Variants in DACH1 observed in about 807,000 individuals in gnomAD.
DACH1 encodes dachshund family transcription factor 1.
A neutral mutation model predicts 54.2 loss-of-function variants in DACH1; 12 were observed. The observed-to-expected ratio is 0.22, with a 90% CI of 0.14 to 0.36. DACH1 has a LOEUF of 0.36. Ranked by LOEUF, DACH1 falls within the 10% of genes least tolerant of loss-of-function variation. The probability of loss-of-function intolerance (pLI) is 1.00; values close to 1 mark genes in which losing one functional copy is unlikely to be tolerated. For synonymous variants in DACH1, 386 were observed against 366.2 expected (o/e 1.05, Z -0.62); for missense variants, 805 against 929.8 (o/e 0.87, Z 1.75).
At chr13:71,517,911 T>A (rs574326616) in intron 6 of DACH1, among the ~76,000 whole-genome samples, 4 of 151,916 alleles carry the variant, frequency 2.6e-5, no homozygotes, top group African/African-American at 9.7e-5. Flanking sequence ...ATTCATTCTA[T>A]TTTGATTTAT....
intron 1 of DACH1, among the ~76,000 whole-genome samples, chr13:71,754,491 T>C (rs1223751818): frequency 6.6e-6 from 1 of 152,116 alleles, no homozygotes; most frequent in Non-Finnish European, 1.5e-5. Context: ...ACCTGAACTA[T>C]GAAGTAGGTC....
chr13:71,785,068 T>G (rs1410938229), intron 1 of DACH1, among the ~76,000 whole-genome samples: 2 of 152,250 alleles, frequency 1.3e-5, no homozygotes, highest in Non-Finnish European at 1.5e-5. Flanking sequence ...TCTCTAAAAA[T>G]GCAATTTGTT....
intron 2 of DACH1, among the ~76,000 whole-genome samples, chr13:71,653,374 G>A (rs1283789164): frequency 2.0e-5 from 3 of 152,212 alleles, no homozygotes; most frequent in African/African-American, 7.2e-5. Flanking sequence ...ATCTAAGCCT[G>A]AGTGAAGTAT....
intron 3 of DACH1, among the ~76,000 whole-genome samples, chr13:71,614,920 A>C (rs949549098): frequency 1.1e-4 from 16 of 151,730 alleles, no homozygotes; most frequent in Admixed American, 6.6e-5. Context: ...AATCATTTGA[A>C]TCTATCAGTT....
At chr13:71,496,265 A>ATG (rs1879406627) in intron 6 of DACH1, among the ~76,000 whole-genome samples, 1 of 19,332 alleles carries the variant, frequency 5.2e-5, no homozygotes, top group East Asian at 1.2e-3. Flanking sequence ...TGCTATGTAT[A>ATG]TATATATATA....
intron 1 of DACH1, among the ~76,000 whole-genome samples, chr13:71,734,126 C>CAT (rs1409356523): frequency 6.6e-6 from 1 of 150,510 alleles, no homozygotes. Flanking sequence ...ATATGGGATA[C>CAT]ATATATACCC....
rs1491248050 is a variant in DACH1 at position 71,816,620 on chromosome 13, G to GTA, written c.848+49301_848+49302insTA. 7.2e-3 allele frequency among the ~76,000 whole-genome samples: 153 copies of GTA among 21,254 alleles called. 2 individuals are homozygous for GTA. The South Asian group carries it at 0.17, about 24-fold the overall frequency. 13.9% of individuals were successfully genotyped at this position (21,254 alleles called of 152,430 possible). On this transcript the variant is annotated intron_variant, in intron 1 of 10. Coordinates refer to ENST00000613252, the MANE Select transcript of DACH1 (RefSeq NM_080759.6). The stretch of plus-strand genomic sequence containing the variant: ...CACATATGTGTGTATATATATACAC[G>GTA]TGTATATATACACACACATATGTGT...
intron 2 of DACH1, among the ~76,000 whole-genome samples, chr13:71,632,107 AAAAGAAAAGG>A (rs1264192398): frequency 2.6e-5 from 4 of 151,984 alleles, no homozygotes; most frequent in African/African-American, 9.7e-5. Flanking sequence ...AAAGGAAGAG[AAAAGAAAAGG>A]AAAGAAAAGA....
chr13:71,520,153 T>C (rs1881487605), intron 6 of DACH1, among the ~76,000 whole-genome samples: 1 of 151,426 alleles, frequency 6.6e-6, no homozygotes, highest in Non-Finnish European at 1.5e-5. Flanking sequence ...TTCCATGTTT[T>C]GTCATTCTTA....
chr13:71,686,871 T>G (rs192023670), intron 1 of DACH1, among the ~76,000 whole-genome samples: 3 of 152,338 alleles, frequency 2.0e-5, no homozygotes, highest in Admixed American at 2.0e-4. Context: ...ATTCATTCAT[T>G]TATTCAAGAG....
In DACH1 at chr13:71,488,940, A is replaced by G. The variant is rs1052206556; in HGVS notation, c.1722+57T>C. On this transcript the variant is annotated intron_variant, in intron 7 of 10. Transcript: ENST00000613252. Reference sequence around the variant, plus strand: ...AGGAACAGTATAAATTTTGGAAAAAAAAAATCTACAACAGGGTGTTCCATA... The same window carrying G: ...AGGAACAGTATAAATTTTGGAAAAAGAAAATCTACAACAGGGTGTTCCATA... The G allele has an allele frequency of 5.5e-4, 854 of 1,549,620 alleles. 5 individuals are homozygous for G. In the Middle Eastern group the frequency reaches 8.8e-3, roughly 16 times the overall value.
At chr13:71,602,786 T>C (rs1410189759) in intron 3 of DACH1, among the ~76,000 whole-genome samples, 2 of 151,966 alleles carry the variant, frequency 1.3e-5, no homozygotes, top group African/African-American at 2.4e-5. Context: ...AGAATAATTA[T>C]ATTAGGTAGT....
At chr13:71,831,438 T>G (rs1266935127) in intron 1 of DACH1, among the ~76,000 whole-genome samples, 2 of 151,942 alleles carry the variant, frequency 1.3e-5, no homozygotes, top group East Asian at 3.8e-4. Context: ...TGTTTTGATC[T>G]CATACACATT....
intron 10 of DACH1, among the ~76,000 whole-genome samples, chr13:71,455,257 CACAA>C (rs1413085910): frequency 6.6e-6 from 1 of 152,100 alleles, no homozygotes; most frequent in Non-Finnish European, 1.5e-5. Flanking sequence ...GTCATACACA[CACAA>C]ACACACACAC....
rs1288487274 is a variant in DACH1, at chr13:71,866,826, C to G, written c.-57G>C. ...AAGCGAGAGGAAAAGTTGCCACACA[C>G]CCCCGGGAGGGGAAGGGGAAAAAAG... is the stretch of plus-strand genomic sequence containing the variant. On this transcript the variant is annotated 5_prime_UTR_variant, in exon 1 of 11. Transcript: ENST00000613252. 2 of 1,274,420 alleles carry G rather than the reference C, an allele frequency of 1.6e-6. No individual in the cohort carries two copies. Among genetic ancestry groups the G allele is most frequent in the South Asian group, 3.7e-5 (1 of 26,990 alleles). 78.9% of individuals were successfully genotyped at this position (1,274,420 alleles called of 1,614,324 possible).
At chr13:71,635,825 G>A (rs1242317844) in intron 2 of DACH1, among the ~76,000 whole-genome samples, 1 of 152,046 alleles carries the variant, frequency 6.6e-6, no homozygotes, top group Admixed American at 6.6e-5. Context: ...CTGTCACCCA[G>A]GCTGGAGTGC....
chr13:71,660,216 C>T (rs1308993062), intron 2 of DACH1, among the ~76,000 whole-genome samples: 3 of 152,014 alleles, frequency 2.0e-5, no homozygotes, highest in Non-Finnish European at 4.4e-5. Context: ...ACAAAATGAG[C>T]TTTCCTGTTT....
intron 3 of DACH1, among the ~76,000 whole-genome samples, chr13:71,590,104 G>A (rs1005567184): frequency 2.6e-5 from 4 of 151,910 alleles, no homozygotes; most frequent in Non-Finnish European, 4.4e-5. Context: ...AAAACATTAC[G>A]GCTGTTCTTC....
At chr13:71,620,308 T>G (rs1876126682) in intron 3 of DACH1, among the ~76,000 whole-genome samples, 1 of 151,830 alleles carries the variant, frequency 6.6e-6, no homozygotes, top group African/African-American at 2.4e-5. Flanking sequence ...CTAAACTATT[T>G]CCAAAAAGCA....
Sources: gnomAD v4.1 joint callset for allele counts (sites outside exome capture counted in the v4.1 genomes callset) on GRCh38, gnomAD v4.1.1 for gene constraint, MANE v1.5 for transcripts, NCBI Gene and HGNC (gene_info 2026-07-23, HGNC 2026-07-21) for gene names.